LIN28B: variants seen among roughly 807,000 people sequenced by gnomAD.
LIN28B encodes the protein protein lin-28 homolog B.
LIN28B carries 5 observed loss-of-function variants against 21.9 expected under a neutral mutation model. That is an observed-to-expected ratio of 0.23 (90% CI 0.12 to 0.48). The LOEUF is 0.48. Among genes scored for constraint, LIN28B ranks in the 20% least tolerant of loss-of-function variants. LIN28B has a pLI of 0.98. For missense variants in LIN28B, 245 were observed against 310.5 expected, an observed-to-expected ratio of 0.79 and a Z score of 1.58; for synonymous variants, 109 against 111.3, an observed-to-expected ratio of 0.98 and a Z score of 0.13.
chr6:105,015,318 C>T (rs1430383021), intron 2 of LIN28B, among the ~76,000 whole-genome samples: 1 of 152,060 alleles, frequency 6.6e-6, no homozygotes, highest in Admixed American at 6.5e-5. Context: ...ATCTTAAAGT[C>T]TACTTTTAGT....
At chr6:105,053,382 GGTGTGTGT>G (rs112180054) in intron 3 of LIN28B, among the ~76,000 whole-genome samples, 30 of 146,552 alleles carry the variant, frequency 2.0e-4, no homozygotes, top group Non-Finnish European at 3.0e-4. Flanking sequence ...TATGTCTTAT[GGTGTGTGT>G]GTGTGTGTGT....
intron 3 of LIN28B, among the ~76,000 whole-genome samples, chr6:105,041,559 T>TA (rs1191811853): frequency 6.6e-6 from 1 of 152,180 alleles, no homozygotes; most frequent in Non-Finnish European, 1.5e-5. Flanking sequence ...ATTTGATACT[T>TA]AGTCTTGATT....
chr6:104,989,651 T>G (rs1770421149), intron 2 of LIN28B, among the ~76,000 whole-genome samples: 1 of 137,588 alleles, frequency 7.3e-6, no homozygotes. Flanking sequence ...TAGAGTGCAG[T>G]GGCATGATCT....
intron 2 of LIN28B, among the ~76,000 whole-genome samples, chr6:104,987,088 A>G (rs1770362767): frequency 6.6e-6 from 1 of 152,188 alleles, no homozygotes; most frequent in Non-Finnish European, 1.5e-5. Flanking sequence ...ACTTTGACAA[A>G]TCCATGAACA....
At chr6:104,999,950 G>A (rs976168251) in intron 2 of LIN28B, among the ~76,000 whole-genome samples, 1 of 152,108 alleles carries the variant, frequency 6.6e-6, no homozygotes, top group East Asian at 1.9e-4. Flanking sequence ...CCAAAGTGCT[G>A]GGATTACATT....
upstream of LIN28B, among the ~76,000 whole-genome samples, chr6:104,954,622 G>A (rs1778261497): frequency 1.3e-5 from 2 of 152,060 alleles, no homozygotes; most frequent in African/African-American, 4.8e-5. Flanking sequence ...AGGGTTACCA[G>A]TTGGAAAAAG....
At chr6:105,024,621 G>A (rs1163374393) in intron 2 of LIN28B, among the ~76,000 whole-genome samples, 1 of 152,140 alleles carries the variant, frequency 6.6e-6, no homozygotes, top group African/African-American at 2.4e-5. Context: ...GAGCAGAAAA[G>A]GTGCTGCCAA....
At chr6:105,075,612 C>T (rs547768009) in intron 3 of LIN28B, among the ~76,000 whole-genome samples, 1 of 152,256 alleles carries the variant, frequency 6.6e-6, no homozygotes, top group African/African-American at 2.4e-5. Flanking sequence ...ATTAACTATG[C>T]AGATCAAAAT....
intron 2 of LIN28B, among the ~76,000 whole-genome samples, chr6:104,973,517 C>T (rs1562077469): frequency 6.6e-6 from 1 of 152,124 alleles, no homozygotes; most frequent in Non-Finnish European, 1.5e-5. Context: ...TCTCCTTCTC[C>T]TCTCTTTTTT....
At chr6:104,992,907 G>A (rs556280992) in intron 2 of LIN28B, among the ~76,000 whole-genome samples, 2 of 152,082 alleles carry the variant, frequency 1.3e-5, no homozygotes, top group African/African-American at 4.8e-5. Context: ...GTTACAGTGT[G>A]CGTCCTCAAT....
At chr6:105,025,971 AT>A in intron 2 of LIN28B, among the ~76,000 whole-genome samples, 1 of 152,144 alleles carries the variant, frequency 6.6e-6, no homozygotes, top group East Asian at 1.9e-4. Context: ...AGATGTAATT[AT>A]TTTTTACCAA....
At chr6:105,045,704 G>C (rs1771745883) in intron 3 of LIN28B, 1 of 152,170 alleles carries the variant, frequency 6.6e-6, no homozygotes, top group Admixed American at 6.6e-5. Context: ...AATCATATCT[G>C]TACACACTTA....
At chr6:104,976,578 A>G (rs1770098563) in intron 2 of LIN28B, among the ~76,000 whole-genome samples, 1 of 152,234 alleles carries the variant, frequency 6.6e-6, no homozygotes, top group African/African-American at 2.4e-5. Context: ...ACAGAGTGTA[A>G]AGTGCCAAGA....
At chr6:104,950,492 A>G (rs746338391) in exon 3 of LIN28B, 1 of 1,227,638 alleles carries the variant, frequency 8.1e-7, no homozygotes, top group East Asian at 3.2e-5. Flanking sequence ...TCATTCAACC[A>G]GGTTTCATCA....
chr6:104,973,026 G>T (rs368686022), intron 2 of LIN28B, among the ~76,000 whole-genome samples: 1 of 151,682 alleles, frequency 6.6e-6, no homozygotes, highest in African/African-American at 2.4e-5. Context: ...TGTGAGAATC[G>T]CTTGAACCTG....
At chr6:104,937,371 C>T (rs1287450356) in intron 2 of LIN28B, among the ~76,000 whole-genome samples, 2 of 152,154 alleles carry the variant, frequency 1.3e-5, no homozygotes, top group Admixed American at 6.5e-5. Flanking sequence ...CTCGCTGCAA[C>T]CTCCGCCTCC....
At chr6:104,990,719 G>A (rs974086701) in intron 2 of LIN28B, among the ~76,000 whole-genome samples, 80 of 152,260 alleles carry the variant, frequency 5.3e-4, no homozygotes, top group African/African-American at 1.7e-3. Flanking sequence ...GCCTTCTGCA[G>A]TGTTTGTGTC....
chr6:104,946,950 T>C (rs1013596057), intron 2 of LIN28B, among the ~76,000 whole-genome samples: 2 of 152,192 alleles, frequency 1.3e-5, no homozygotes, highest in African/African-American at 4.8e-5. Context: ...TTATGGTGAA[T>C]ACTATTCCTG....
chr6:104,988,303 T>G lies in LIN28B; in HGVS notation c.198+30017T>G, dbSNP rs551311966. Among the ~76,000 whole-genome samples the G allele has an allele frequency of 7.6e-4, 115 of 152,286 alleles. 1 individual carries two copies. Among genetic ancestry groups the G allele is most frequent in the Admixed American group, 1.5e-3 (23 of 15,298 alleles). On this transcript the variant is annotated intron_variant, in intron 2 of 3. Coordinates refer to ENST00000345080, the MANE Select transcript of LIN28B (RefSeq NM_001004317.4). ...CTTTTCTGCATGGATGGAGATGACC[T>G]TACGGTACTTGGCTTTATTCTGTTA...
Sources: gnomAD v4.1 joint callset for allele counts (sites outside exome capture counted in the v4.1 genomes callset) on GRCh38, gnomAD v4.1.1 for gene constraint, MANE v1.5 for transcripts, NCBI Gene and HGNC (gene_info 2026-07-23, HGNC 2026-07-21) for gene names.